Variants in ADARB2 observed in about 807,000 individuals in gnomAD.
ADARB2 encodes the protein adenosine deaminase RNA specific B2 (inactive).
Under a neutral mutation model 62.2 loss-of-function variants are expected in ADARB2, and 25 were observed. The ratio of observed to expected loss-of-function variants is 0.40; its 90% CI spans 0.29 to 0.56. The LOEUF (loss-of-function observed/expected upper bound fraction) is 0.56, where lower values mean the gene tolerates loss of function less well. Among genes scored for constraint, ADARB2 ranks in the 20% least tolerant of loss-of-function variants. ADARB2 has a pLI of 0.43. For missense variants in ADARB2, 1,071 were observed against 1,077.4 expected (o/e 0.99, Z 0.08); for synonymous variants, 572 against 500.8 (o/e 1.14, Z -1.90).
intron 6 of ADARB2, among the ~76,000 whole-genome samples, chr10:1,223,741 G>A (rs1589156713): frequency 6.6e-6 from 1 of 152,190 alleles, no homozygotes; most frequent in East Asian, 1.9e-4. Flanking sequence ...ATTTTCGTAT[G>A]TTGAACCAGC....
chr10:1,350,336 C>G (rs993287919), intron 3 of ADARB2, among the ~76,000 whole-genome samples: 1 of 152,178 alleles, frequency 6.6e-6, no homozygotes, highest in African/African-American at 2.4e-5. Context: ...AGTCTTTCCT[C>G]TTTCCAATCT....
At chr10:1,669,996 T>C (rs576304694) in intron 1 of ADARB2, among the ~76,000 whole-genome samples, 1 of 152,108 alleles carries the variant, frequency 6.6e-6, no homozygotes, top group Non-Finnish European at 1.5e-5. Context: ...GAAGAAACCA[T>C]TCACGTGTGG....
chr10:1,367,115 G>A (rs1431698333), intron 2 of ADARB2, among the ~76,000 whole-genome samples: 5 of 152,028 alleles, frequency 3.3e-5, no homozygotes, highest in Non-Finnish European at 1.5e-5. Context: ...AGGCACAAAA[G>A]ATGCCCTTGA....
chr10:1,369,873 A>C (rs4880502), intron 2 of ADARB2, among the ~76,000 whole-genome samples: 126,331 of 152,128 alleles, frequency 0.83, 56,544 homozygotes, highest in Non-Finnish European at 0.98. Context: ...CCAAAGCTCG[A>C]GGCACAGATT....
rs577694687 is a variant in ADARB2 at position 1,419,602 on chromosome 10, G to A, written c.101-40442C>T. ...GAGGGACGGTAAGCCCAGATGGTTG[G>A]TGCTGCAGTAAATTAAGCCTGATAT... On this transcript the variant is annotated intron_variant, in intron 1 of 9. Transcript: ENST00000381312. Among the ~76,000 whole-genome samples, 26 of 152,354 alleles carry A rather than the reference G, an allele frequency of 1.7e-4. No homozygotes were observed. In the South Asian group the frequency reaches 5.4e-3, roughly 32 times the overall value.
rs112015240 is a variant in ADARB2, at chr10:1,265,667, G to A, written c.1192+5288C>T. Among the ~76,000 whole-genome samples the A allele has an allele frequency of 1.4e-4, 11 of 77,358 alleles. 2 individuals carry two copies. The highest frequency in any genetic ancestry group is 6.8e-4 in the African/African-American group (11 of 16,240). The allele number at this position is 77,358 out of a possible 152,430, so 50.7% of individuals were successfully genotyped here. A position where few individuals can be genotyped will look rare whatever the true frequency, so the allele number is the denominator to read the frequency against. Reference sequence around the variant, plus strand: ...GAGCCAGGTCCACGCTCTCCCGGAAGACGGCCTGAGAGGGGGGCCCAGGCT... The same window carrying A: ...GAGCCAGGTCCACGCTCTCCCGGAAAACGGCCTGAGAGGGGGGCCCAGGCT... On this transcript the variant is annotated intron_variant, in intron 4 of 9. Transcript: ENST00000381312.
chr10:1,569,352 C>T (rs918628735), intron 1 of ADARB2, among the ~76,000 whole-genome samples: 21 of 152,214 alleles, frequency 1.4e-4, no homozygotes, highest in South Asian at 2.1e-4. Flanking sequence ...TCTTGCCCAT[C>T]GTGTGGCACC....
At chr10:1,187,796 C>A in intron 8 of ADARB2, 1 of 400,008 alleles carries the variant, frequency 2.5e-6, no homozygotes, top group Non-Finnish European at 5.2e-6. Context: ...GAGGGAGGCG[C>A]TGGCGGGTGG....
intron 1 of ADARB2, among the ~76,000 whole-genome samples, chr10:1,536,758 G>A (rs1283055929): frequency 3.9e-5 from 6 of 152,126 alleles, no homozygotes; most frequent in African/African-American, 9.7e-5. Context: ...CTGGCCAGCC[G>A]CAAGCAGAAA....
chr10:1,326,765 G>A lies in ADARB2; in HGVS notation c.1077+36263C>T, dbSNP rs546321363. On this transcript the variant is annotated intron_variant, in intron 3 of 9. Transcript: ENST00000381312. ...CGCCTCCCGACGGCACGGCGCCTCT[G>A]GTAGCACAGCCCCTCCTCACTGCCC... is the stretch of plus-strand genomic sequence containing the variant. Among the ~76,000 whole-genome samples, 412 of 111,244 alleles carry A rather than the reference G, an allele frequency of 3.7e-3. 20 individuals carry two copies. The highest frequency in any genetic ancestry group is 0.013 in the African/African-American group (376 of 29,676). 73.0% of individuals were successfully genotyped at this position (111,244 alleles called of 152,430 possible).
At chr10:1,396,142 G>A (rs1206484570) in intron 1 of ADARB2, among the ~76,000 whole-genome samples, 1 of 152,194 alleles carries the variant, frequency 6.6e-6, no homozygotes, top group Non-Finnish European at 1.5e-5. Flanking sequence ...GTTAATAGCT[G>A]AGCTTGCAAG....
intron 1 of ADARB2, among the ~76,000 whole-genome samples, chr10:1,644,232 C>T (rs1834009486): frequency 1.3e-5 from 2 of 152,214 alleles, no homozygotes; most frequent in African/African-American, 4.8e-5. Context: ...AGGCTGCAGC[C>T]GCATTTGCGA....
rs185770808 is a variant in ADARB2, at chr10:1,638,941, G to A, written c.100+98110C>T. 2.8e-4 allele frequency among the ~76,000 whole-genome samples: 43 copies of A among 152,370 alleles called. 1 individual carries two copies. The East Asian group carries it at 7.9e-3, about 28-fold the overall frequency. ...GTCTTTTTCTTAAAGGAGGTGGAGA[G>A]GCTGCCTTGCCTGCACTCACACGGA... On this transcript the variant is annotated intron_variant, in intron 1 of 9. Transcript: ENST00000381312.
At position 1,375,817 on chromosome 10, in the gene ADARB2, GCACA is replaced by G. The variant is rs66504340; in HGVS notation, c.187+3253_187+3256del. 3.7e-3 allele frequency among the ~76,000 whole-genome samples: 549 copies of G among 149,584 alleles called. 6 individuals are homozygous for G. Among genetic ancestry groups the G allele is most frequent in the Admixed American group, 2.3e-3 (35 of 15,194 alleles). On this transcript the variant is annotated intron_variant, in intron 2 of 9. Coordinates refer to ENST00000381312, the MANE Select transcript of ADARB2 (RefSeq NM_018702.4). The stretch of plus-strand genomic sequence containing the variant: ...ACACGCACACACACACCACACACAT[GCACA>G]CACACACGTGCACACACCGCACACA...
chr10:1,232,924 G>GGT (rs796798834), intron 6 of ADARB2, among the ~76,000 whole-genome samples: 3 of 151,580 alleles, frequency 2.0e-5, no homozygotes, highest in African/African-American at 7.3e-5. Context: ...TGGTATATGT[G>GGT]GTGTGTGTGT....
intron 1 of ADARB2, among the ~76,000 whole-genome samples, chr10:1,706,903 G>GTTGGGCAGGAAGTAGGGTTTCA (rs11268157): frequency 0.78 from 115,463 of 148,056 alleles, 46,306 homozygotes; most frequent in South Asian, 0.9. Flanking sequence ...TGGGGTTTTT[G>GTTGGGCAGGAAGTAGGGTTTCA]TTGGGCAGGA....
intron 1 of ADARB2, among the ~76,000 whole-genome samples, chr10:1,388,172 A>G (rs1278170561): frequency 6.6e-6 from 1 of 152,156 alleles, no homozygotes; most frequent in African/African-American, 2.4e-5. Flanking sequence ...ATTTATCTAT[A>G]GATACAAAAC....
intron 1 of ADARB2, among the ~76,000 whole-genome samples, chr10:1,678,815 C>T (rs941937692): frequency 6.6e-6 from 1 of 152,006 alleles, no homozygotes; most frequent in African/African-American, 2.4e-5. Flanking sequence ...TTCGTTTCTC[C>T]ACCAAGCCCC....
Position 1,188,792 on chromosome 10 carries a change from A to T in ADARB2, c.1865-3753T>A, listed in dbSNP as rs1174187738. ...CTAATGTGCAGAGAAACGGATGCTC[A>T]TGGATGCTCATGTCAGTCTCACTAT... On this transcript the variant is annotated intron_variant, in intron 8 of 9. Coordinates refer to ENST00000381312, the MANE Select transcript of ADARB2 (RefSeq NM_018702.4). Among the ~76,000 whole-genome samples, 2 of 152,222 alleles carry T rather than the reference A, an allele frequency of 1.3e-5. 1 individual carries two copies. The highest frequency in any genetic ancestry group is 3.8e-4 in the East Asian group (2 of 5,198).
Sources: gnomAD v4.1 joint callset for allele counts (sites outside exome capture counted in the v4.1 genomes callset) on GRCh38, gnomAD v4.1.1 for gene constraint, MANE v1.5 for transcripts, NCBI Gene and HGNC (gene_info 2026-07-23, HGNC 2026-07-21) for gene names.